Variants in ITGA2B observed in about 807,000 individuals in gnomAD.
ITGA2B encodes the protein integrin subunit alpha 2b.
Under a neutral mutation model 142.0 loss-of-function variants are expected in ITGA2B, and 91 were observed. The observed-to-expected ratio is 0.64, with a 90% confidence interval of 0.54 to 0.76. The LOEUF is 0.76. Among genes scored for constraint, ITGA2B ranks in the 30% least tolerant of loss-of-function variants. ITGA2B has a pLI of 0.00. For missense variants in ITGA2B, 1,231 were observed against 1,350.8 expected (o/e 0.91, Z 1.39); for synonymous variants, 536 against 567.2 (o/e 0.94, Z 0.78).
chr17:44,389,300 C>T lies in ITGA2B; in HGVS notation c.174G>A (p.Lys58=), dbSNP rs368032760. The change falls in exon 1 of 30, where the codon AAG becomes AAA. Residue 58 remains lysine (K), a synonymous_variant. Transcript: ENST00000262407. ...SQFGFSLDFH[K]DSHGRVAIVV... ...TTACGGCTCACCTCCCATGGCTGTC[C>T]TTGTGGAAGTCCAGTGAAAATCCAA... 4 of 1,614,206 alleles carry T rather than the reference C, an allele frequency of 2.5e-6. No individual in the cohort carries two copies. The highest frequency in any genetic ancestry group is 4.5e-5 in the East Asian group (2 of 44,874).
chr17:44,372,328 C>T lies in ITGA2B; in HGVS notation c.*36G>A. 1 of 1,608,860 alleles carries T rather than the reference C, an allele frequency of 6.2e-7. No individual in the cohort carries two copies. The highest frequency in any genetic ancestry group is 8.5e-7 in the Non-Finnish European group (1 of 1,175,290). ...GAGAAGGGGCGGTGCAGGTAGCACGCCCAACCCTCCTGCTAGAATAGTGTA... is the reference window on the plus strand; with the variant it reads ...GAGAAGGGGCGGTGCAGGTAGCACGTCCAACCCTCCTGCTAGAATAGTGTA... On this transcript the variant is annotated 3_prime_UTR_variant, in exon 30 of 30. Coordinates refer to ENST00000262407, the MANE Select transcript of ITGA2B (RefSeq NM_000419.5).
chr17:44,378,616 G>A (rs1292397064), intron 19 of ITGA2B, 27 bp downstream of exon 19: 1 of 1,576,198 alleles, frequency 6.3e-7, no homozygotes, highest in African/African-American at 1.3e-5. Context: ...AAGGGCCAGG[G>A]TCGGGCAGAA....
intron 26 of ITGA2B, 36 bp downstream of exon 26, chr17:44,375,554 CG>C: frequency 1.2e-6 from 2 of 1,610,120 alleles, no homozygotes; most frequent in East Asian, 2.2e-5. Flanking sequence ...CCGTGGGTCC[CG>C]GGGAGGCCGG....
intron 7 of ITGA2B, among the ~76,000 whole-genome samples, 162 bp from the exon 8 acceptor site, chr17:44,384,747 C>A (rs1199243320): frequency 6.6e-6 from 1 of 152,238 alleles, no homozygotes; most frequent in Non-Finnish European, 1.5e-5. Context: ...GGCTGCGCTA[C>A]GAGTCCGCAG....
chr17:44,379,594 G>GT, intron 18 of ITGA2B, 95 bp downstream of exon 18: 2 of 1,587,320 alleles, frequency 1.3e-6, no homozygotes, highest in Non-Finnish European at 1.7e-6. Flanking sequence ...TGACATCAAG[G>GT]TTTTGGGGTT....
At chr17:44,374,975 C>T (rs2143431232) in intron 27 of ITGA2B, 23 bp downstream of exon 27, 2 of 1,505,332 alleles carry the variant, frequency 1.3e-6, no homozygotes, top group Non-Finnish European at 1.8e-6. Context: ...GGCCCGGCCC[C>T]GCCCCACCAC....
rs1003291622 is a variant in ITGA2B, at chr17:44,375,673, G to C, written c.2645C>G (p.Pro882Arg). 3 of 1,606,228 alleles carry C rather than the reference G, an allele frequency of 1.9e-6. No individual in the cohort carries two copies. ...TCTGCGATCCCGCTTGTGATGGGCC[G>C]GGTGAATGGGGGAGGGGCTGGGGAT... ...LPIPSPSPIH[P>R]AHHKRDRRQI... is the part of the protein sequence containing the mutation. The change falls in exon 26 of 30, where the codon CCG becomes CGG. Residue 882 changes from proline (P) to arginine (R), a missense_variant. Pro to Arg is a moderately radical substitution (Grantham distance 103). Transcript: ENST00000262407.
Position 44,389,441 on chromosome 17 carries a change from G to C in ITGA2B, c.33C>G (p.Leu11=). The C allele has an allele frequency of 1.9e-6, 3 of 1,614,066 alleles. No individual in the cohort carries two copies. The highest frequency in any genetic ancestry group is 2.5e-6 in the Non-Finnish European group (3 of 1,180,016). The change falls in exon 1 of 30, where the codon CTC becomes CTG. Residue 11 remains leucine, a synonymous_variant. Coordinates refer to ENST00000262407, the MANE Select transcript of ITGA2B (RefSeq NM_000419.5). ...GCAGCAGCACCCACTCCAGAAGCCA[G>C]AGGGCTTGCAGTGGACACAAAGCTC... The part of the protein sequence containing the change: MARALCPLQA[L]WLLEWVLLLL...
rs903621285 is a variant in ITGA2B at position 44,377,860 on chromosome 17, G to A, written c.2095-70C>T. The A allele has an allele frequency of 1.2e-5, 10 of 819,608 alleles. No individual in the cohort carries two copies. The African/African-American group carries it at 1.4e-4, about 12-fold the overall frequency. The allele number at this position is 819,608 out of a possible 1,614,324, so 50.8% of individuals were successfully genotyped here. On this transcript the variant is annotated intron_variant, in intron 20 of 29. Transcript: ENST00000262407. ...ATATATATTTAAGCTCCCTTGGAAGGTCTGGAAAGATTTGTGTGCCAAGGT... is the reference window on the plus strand; with the variant it reads ...ATATATATTTAAGCTCCCTTGGAAGATCTGGAAAGATTTGTGTGCCAAGGT...
rs138209010 is a variant in ITGA2B at position 44,378,476 on chromosome 17, A to G, written c.1980T>C (p.Asn660=). The change falls in exon 20 of 30, where the codon AAT becomes AAC. Residue 660 remains asparagine, a synonymous_variant. Transcript: ENST00000262407. ...TGSPLLVGAD[N]VLELQMDAAN... is the part of the protein sequence containing the mutation. ...CTGCGTCCATCTGCAGCTCCAGGACATTATCTGCCCCAACTAGGAGCGGGG... is the reference window on the plus strand; with the variant it reads ...CTGCGTCCATCTGCAGCTCCAGGACGTTATCTGCCCCAACTAGGAGCGGGG... The G allele has an allele frequency of 4.7e-5, 76 of 1,613,762 alleles. No homozygotes were observed. The South Asian group carries it at 7.7e-4, about 16-fold the overall frequency.
In ITGA2B at chr17:44,389,523, T is replaced by C; in HGVS notation, c.-50A>G. The stretch of plus-strand genomic sequence containing the variant: ...GCAGGAATGGGCCAGCTCCTCCTCC[T>C]TCCCTTCAGATTCCTCCACAGGAAG... On this transcript the variant is annotated 5_prime_UTR_variant, in exon 1 of 30. Coordinates refer to ENST00000262407, the MANE Select transcript of ITGA2B (RefSeq NM_000419.5). 1.3e-6 allele frequency: 2 copies of C among 1,587,784 alleles called. No homozygotes were observed. Among genetic ancestry groups the C allele is most frequent in the Non-Finnish European group, 1.7e-6 (2 of 1,160,500 alleles).
Position 44,377,757 on chromosome 17 carries a change from CCTT to C in ITGA2B, c.2125_2127del (p.Lys709del), listed in dbSNP as rs1447740112. On this transcript the variant is annotated inframe_deletion, in exon 21 of 30. Transcript: ENST00000262407. ...CACAGCACCACCCTGGTCTCATTCT[CCTT>C]CTTCTGATTACAGATGAGTCTCTCA... 4 of 1,613,908 alleles carry C rather than the reference CCTT, an allele frequency of 2.5e-6. No individual in the cohort carries two copies. The highest frequency in any genetic ancestry group is 2.5e-6 in the Non-Finnish European group (3 of 1,179,920).
In ITGA2B at chr17:44,372,336, T is replaced by C; in HGVS notation, c.*28A>G. 1 of 1,612,186 alleles carries C rather than the reference T, an allele frequency of 6.2e-7. No homozygotes were observed. On this transcript the variant is annotated 3_prime_UTR_variant, in exon 30 of 30. Transcript: ENST00000262407. ...GCGGTGCAGGTAGCACGCCCAACCCTCCTGCTAGAATAGTGTAGGCTGCAC... is the reference window on the plus strand; with the variant it reads ...GCGGTGCAGGTAGCACGCCCAACCCCCCTGCTAGAATAGTGTAGGCTGCAC...
chr17:44,372,289 G>A lies in ITGA2B; in HGVS notation c.*75C>T. ...TGGAACAGCTCCAACCCAAAGCTTG[G>A]AGGCAACTTGTTGGAGAAGGGGCGG... On this transcript the variant is annotated 3_prime_UTR_variant, in exon 30 of 30. Transcript: ENST00000262407. 3 of 1,503,290 alleles carry A rather than the reference G, an allele frequency of 2.0e-6. No individual in the cohort carries two copies. The highest frequency in any genetic ancestry group is 2.8e-6 in the Non-Finnish European group (3 of 1,080,170). 93.1% of individuals were successfully genotyped at this position (1,503,290 alleles called of 1,614,324 possible). A position where few individuals can be genotyped will look rare whatever the true frequency, so the allele number is the denominator to read the frequency against.
At chr17:44,387,136 G>A (rs757239554) in intron 1 of ITGA2B, among the ~76,000 whole-genome samples, 1 of 152,168 alleles carries the variant, frequency 6.6e-6, no homozygotes, top group Non-Finnish European at 1.5e-5. Flanking sequence ...GAAATCAGCA[G>A]GAGTGGGCAC....
At chr17:44,387,392 A>G (rs2048658577) in intron 1 of ITGA2B, among the ~76,000 whole-genome samples, 1 of 151,974 alleles carries the variant, frequency 6.6e-6, no homozygotes, top group South Asian at 2.1e-4. Context: ...GCATGGTGGC[A>G]TGCACCTGTA....
chr17:44,381,610 G>A (rs2048598114), intron 12 of ITGA2B, among the ~76,000 whole-genome samples: 1 of 152,014 alleles, frequency 6.6e-6, no homozygotes, highest in Non-Finnish European at 1.5e-5. Flanking sequence ...GATTACAGGT[G>A]TGAGCCACCG....
chr17:44,377,526 A>G (rs1033653249), intron 21 of ITGA2B, among the ~76,000 whole-genome samples, 172 bp downstream of exon 21: 7 of 152,134 alleles, frequency 4.6e-5, no homozygotes, highest in Non-Finnish European at 7.4e-5. Flanking sequence ...CTGGAAGCCC[A>G]CTGGGTAAAG....
At chr17:44,375,545 C>A in intron 26 of ITGA2B, 46 bp downstream of exon 26, 1 of 1,606,794 alleles carries the variant, frequency 6.2e-7, no homozygotes, top group Non-Finnish European at 8.5e-7. Context: ...CCCTCTGCCC[C>A]GTGGGTCCCG....
Sources: gnomAD v4.1 joint callset for allele counts (sites outside exome capture counted in the v4.1 genomes callset) on GRCh38, gnomAD v4.1.1 for gene constraint, MANE v1.5 for transcripts, NCBI Gene and HGNC (gene_info 2026-07-23, HGNC 2026-07-21) for gene names.